Variants in PLK4 observed in about 807,000 individuals in gnomAD.
The protein encoded by PLK4 is polo like kinase 4, also known as serine/threonine-protein kinase PLK4.
PLK4 carries 51 observed loss-of-function variants against 103.0 expected under a neutral mutation model. The ratio of observed to expected loss-of-function variants is 0.50; its 90% CI spans 0.40 to 0.63. The LOEUF is 0.63. PLK4 is among the 20% of genes least tolerant of loss of function. The probability of loss-of-function intolerance (pLI) is 0.00; values close to 1 mark genes in which losing one functional copy is unlikely to be tolerated. For synonymous variants in PLK4, 389 were observed against 376.8 expected (o/e 1.03, Z -0.38); for missense variants, 1,054 against 1,151.0 (o/e 0.92, Z 1.22).
In PLK4 at chr4:127,893,640, T is replaced by C. The variant is rs143678936; in HGVS notation, c.2414+36T>C. ...GAAAATTTTAAACATATGGCTAAAATGTTTTAAAAGTTTGATGTTTATATT... is the reference window on the plus strand; with the variant it reads ...GAAAATTTTAAACATATGGCTAAAACGTTTTAAAAGTTTGATGTTTATATT... On this transcript the variant is annotated intron_variant, in intron 12 of 15. Transcript: ENST00000270861. The C allele has an allele frequency of 4.3e-5, 68 of 1,585,208 alleles. 2 individuals carry two copies. The highest frequency in any genetic ancestry group is 3.4e-4 in the South Asian group (30 of 87,772).
Position 127,881,761 on chromosome 4 carries a change from T to C in PLK4, c.31-70T>C, listed in dbSNP as rs1578749051. ...CCCACTCGATCCATTTTATCTTCTTTTTCCAGCCCCTTCCCATCTTCCTTT... is the reference window on the plus strand; with the variant it reads ...CCCACTCGATCCATTTTATCTTCTTCTTCCAGCCCCTTCCCATCTTCCTTT... On this transcript the variant is annotated intron_variant, in intron 1 of 15. Transcript: ENST00000270861. 3.2e-6 allele frequency: 3 copies of C among 937,190 alleles called. No individual in the cohort carries two copies. The African/African-American group carries it at 4.9e-5, about 15-fold the overall frequency. The allele number at this position is 937,190 out of a possible 1,614,324, so 58.1% of individuals were successfully genotyped here. A position where few individuals can be genotyped will look rare whatever the true frequency, so the allele number is the denominator to read the frequency against.
chr4:127,881,115 C>T lies in PLK4; in HGVS notation c.-20C>T. 1.9e-6 allele frequency: 3 copies of T among 1,613,892 alleles called. No homozygotes were observed. Among genetic ancestry groups the T allele is most frequent in the African/African-American group, 2.7e-5 (2 of 75,066 alleles). On this transcript the variant is annotated 5_prime_UTR_variant, in exon 1 of 16. Transcript: ENST00000270861. The stretch of plus-strand genomic sequence containing the variant: ...CGTGAAGGAAGCTAATCCGGAGAAC[C>T]CAGGCCAGAGCCTGGAAATATGGCG...
Position 127,893,591 on chromosome 4 carries a change from A to G in PLK4, c.2401A>G (p.Ile801Val), listed in dbSNP as rs142713113. 834 of 1,610,738 alleles carry G rather than the reference A, an allele frequency of 5.2e-4. No individual in the cohort carries two copies. The highest frequency in any genetic ancestry group is 6.5e-4 in the Non-Finnish European group (764 of 1,177,780). The change falls in exon 12 of 16, where the codon ATA becomes GTA. Residue 801 changes from isoleucine to valine, a missense_variant. Coordinates refer to ENST00000270861, the MANE Select transcript of PLK4 (RefSeq NM_014264.5). Reference sequence around the variant, plus strand: ...AACTAGGAGTGCTCCCTTTTTCCCAATAATCATAGGAAGGTAAATGTCTGA... The same window carrying G: ...AACTAGGAGTGCTCCCTTTTTCCCAGTAATCATAGGAAGGTAAATGTCTGA... ...RKTRSAPFFP[I>V]IIGRKPGSTS... is the part of the protein sequence containing the mutation.
Position 127,899,064 on chromosome 4 carries a change from A to G in PLK4, c.*523A>G, listed in dbSNP as rs535147980. The G allele has an allele frequency of 2.6e-5, 4 of 152,530 alleles. No homozygotes were observed. The highest frequency in any genetic ancestry group is 9.6e-5 in the African/African-American group (4 of 41,586). 9.4% of individuals were successfully genotyped at this position (152,530 alleles called of 1,614,324 possible). On this transcript the variant is annotated 3_prime_UTR_variant, in exon 16 of 16. Coordinates refer to ENST00000270861, the MANE Select transcript of PLK4 (RefSeq NM_014264.5). ...ATTTTATAAAAAAATAAATATAGTG[A>G]TAAGTTACATTATCTTTTGATTCAT... is the stretch of plus-strand genomic sequence containing the variant.
Position 127,886,624 on chromosome 4 carries a change from G to C in PLK4, c.1254G>C (p.Glu418Asp), listed in dbSNP as rs369153451. The change falls in exon 5 of 16, where the codon GAG becomes GAC. Residue 418 changes from glutamate to aspartate, a missense_variant. Around this residue, in one of 4 missense-constraint regions of PLK4, gnomAD observed 680 missense variants for 660.3 expected, o/e 1.03. Coordinates refer to ENST00000270861, the MANE Select transcript of PLK4 (RefSeq NM_014264.5). ...SKRSGGGENEERYSPTDNNAN... is the reference protein window; with the variant it reads ...SKRSGGGENEDRYSPTDNNAN... ...GATCAGGAGGAGGTGAAAATGAAGA[G>C]AGGTACTCACCCACAGACAACAATG... 57 of 1,613,420 alleles carry C rather than the reference G, an allele frequency of 3.5e-5. 1 individual carries two copies. In the African/African-American group the frequency reaches 7.3e-4, roughly 21 times the overall value.
chr4:127,893,019 G>A (rs1352302595), intron 10 of PLK4, among the ~76,000 whole-genome samples: 1 of 151,904 alleles, frequency 6.6e-6, no homozygotes, highest in South Asian at 2.1e-4. Flanking sequence ...TATAATTATA[G>A]CTATCCTTCA....
intron 14 of PLK4, among the ~76,000 whole-genome samples, chr4:127,896,372 C>T (rs1403913012): frequency 6.6e-6 from 1 of 152,108 alleles, no homozygotes; most frequent in Non-Finnish European, 1.5e-5. Context: ...GTAATATTCT[C>T]AGGCCAGGAA....
intron 6 of PLK4, among the ~76,000 whole-genome samples, chr4:127,888,655 T>C (rs766076760): frequency 9.2e-5 from 14 of 152,218 alleles, no homozygotes; most frequent in Non-Finnish European, 1.9e-4. Context: ...TCATGTTGTT[T>C]ATAATACAGA....
chr4:127,881,438 T>C (rs929656872), intron 1 of PLK4: 2 of 1,362,626 alleles, frequency 1.5e-6, no homozygotes, highest in African/African-American at 1.5e-5. Context: ...CCGCCCGAGC[T>C]ACCGCGTTAG....
In PLK4 at chr4:127,885,724, C is replaced by G. The variant is rs148921796; in HGVS notation, c.354C>G (p.His118Gln). The G allele has an allele frequency of 3.2e-5, 52 of 1,610,094 alleles. No individual in the cohort carries two copies. In the African/African-American group the frequency reaches 6.0e-4, roughly 19 times the overall value. ...TCCTAACAGCTCGACACTTCATGCACCAGATCATCACAGGGATGTTGTATC... is the reference window on the plus strand; with the variant it reads ...TCCTAACAGCTCGACACTTCATGCAGCAGATCATCACAGGGATGTTGTATC... Reference protein sequence around the residue: ...FSENEARHFMHQIITGMLYLH... With the variant: ...FSENEARHFMQQIITGMLYLH... Residue 118 changes from histidine (H) to glutamine (Q), a missense_variant, in exon 5 of 16, where the codon CAC becomes CAG. His to Gln is a conservative substitution (Grantham distance 24). Transcript: ENST00000270861.
In PLK4 at chr4:127,887,448, C is replaced by T. The variant is rs377429762; in HGVS notation, c.1411C>T (p.Pro471Ser). The change falls in exon 6 of 16, where the codon CCT becomes TCT. Residue 471 changes from proline to serine, a missense_variant. Pro to Ser is a moderately conservative substitution (Grantham distance 74). Coordinates refer to ENST00000270861, the MANE Select transcript of PLK4 (RefSeq NM_014264.5). ...TCCTTTTCCATTTGCAGACCCGACA[C>T]CTCAGACTGAAACCGTACAACAGTG... ...KTPFPFADPTPQTETVQQWFG... is the reference protein window; with the variant it reads ...KTPFPFADPTSQTETVQQWFG... The T allele has an allele frequency of 3.1e-6, 5 of 1,611,698 alleles. No individual in the cohort carries two copies. In the African/African-American group the frequency reaches 6.7e-5, roughly 22 times the overall value.
At position 127,881,205 on chromosome 4, in the gene PLK4, A is replaced by C. The variant is rs199796005; in HGVS notation, c.30+41A>C. ...AGTCTGCAGCGGGGCGGGTGGGAGT[A>C]ATTGTGGGAGGACACGAGACCGCTG... On this transcript the variant is annotated intron_variant, in intron 1 of 15. Coordinates refer to ENST00000270861, the MANE Select transcript of PLK4 (RefSeq NM_014264.5). The C allele has an allele frequency of 4.7e-5, 76 of 1,613,382 alleles. No homozygotes were observed. The Admixed American group carries it at 1.3e-3, about 27-fold the overall frequency.
intron 4 of PLK4, among the ~76,000 whole-genome samples, chr4:127,885,124 A>T (rs558109397): frequency 3.9e-5 from 6 of 152,274 alleles, no homozygotes; most frequent in African/African-American, 1.4e-4. Flanking sequence ...TCTTAACTGC[A>T]TGTAAAACGC....
Position 127,881,009 on chromosome 4 carries a change from C to T in PLK4, c.-126C>T, listed in dbSNP as rs1056139460. The T allele has an allele frequency of 9.3e-7, 1 of 1,081,022 alleles. No individual in the cohort carries two copies. Among genetic ancestry groups the T allele is most frequent in the African/African-American group, 1.6e-5 (1 of 64,198 alleles). The allele number at this position is 1,081,022 out of a possible 1,614,324, so 67.0% of individuals were successfully genotyped here. On this transcript the variant is annotated 5_prime_UTR_variant, in exon 1 of 16. Transcript: ENST00000270861. ...ACTTTCCGTGGTTTCAGCGTCGTCG[C>T]CTGGAGCGGCGGTTTAGAGAGCCGA...
At chr4:127,892,573 A>G (rs1426366179) in intron 10 of PLK4, 59 bp downstream of exon 10, 20 of 1,361,388 alleles carry the variant, frequency 1.5e-5, no homozygotes, top group East Asian at 2.3e-5. Context: ...GTAGTTACGT[A>G]TATGTGGGTT....
At chr4:127,895,346 T>G (rs1735520890) in intron 14 of PLK4, among the ~76,000 whole-genome samples, 1 of 152,064 alleles carries the variant, frequency 6.6e-6, no homozygotes, top group Non-Finnish European at 1.5e-5. Flanking sequence ...CATTTGTTTT[T>G]AAAGTAGAGG....
rs1735685103 is a variant in PLK4, at chr4:127,899,130, C to A, written c.*589C>A. On this transcript the variant is annotated 3_prime_UTR_variant, in exon 16 of 16. Transcript: ENST00000270861. Reference sequence around the variant, plus strand: ...TTTTTAAATAACTTACCAGTAAACTCACTTTTTAAATTTTGTTGCCTGTTG... The same window carrying A: ...TTTTTAAATAACTTACCAGTAAACTAACTTTTTAAATTTTGTTGCCTGTTG... The A allele has an allele frequency of 6.6e-6, 1 of 152,116 alleles. No homozygotes were observed. The highest frequency in any genetic ancestry group is 2.4e-5 in the African/African-American group (1 of 41,418). 9.4% of individuals were successfully genotyped at this position (152,116 alleles called of 1,614,324 possible).
chr4:127,881,252 C>T, intron 1 of PLK4, 88 bp downstream of exon 1: 2 of 1,598,940 alleles, frequency 1.3e-6, no homozygotes, highest in Non-Finnish European at 1.7e-6. Flanking sequence ...GCGAACGAAG[C>T]TAACGGCTGC....
intron 11 of PLK4, 41 bp downstream of exon 11, chr4:127,893,459 G>T (rs1735442184): frequency 1.2e-6 from 2 of 1,600,288 alleles, no homozygotes; most frequent in Non-Finnish European, 1.7e-6. Context: ...AATTAATAAT[G>T]ATTGCAAATG....
Sources: gnomAD v4.1 joint callset for allele counts (sites outside exome capture counted in the v4.1 genomes callset) on GRCh38, gnomAD v4.1.1 for gene constraint, gnomAD v4.1.1 regional missense constraint, MANE v1.5 for transcripts, NCBI Gene and HGNC (gene_info 2026-07-23, HGNC 2026-07-21) for gene names.